Variants in SYT2 observed in about 807,000 individuals in gnomAD.
SYT2 encodes the protein synaptotagmin 2.
A neutral mutation model predicts 39.9 loss-of-function variants in SYT2; 15 were observed. That is an observed-to-expected ratio of 0.38 (90% CI 0.25 to 0.58). SYT2 has a LOEUF of 0.58. Ranked by LOEUF, SYT2 falls within the 20% of genes least tolerant of loss-of-function variation. The pLI, the probability that SYT2 is intolerant of heterozygous loss-of-function variation, is 0.70. For missense variants in SYT2, 389 were observed against 530.3 expected (o/e 0.73, Z 2.62); for synonymous variants, 181 against 204.5 (o/e 0.89, Z 0.98).
intron 1 of SYT2, among the ~76,000 whole-genome samples, chr1:202,664,172 G>A (rs910903910): frequency 1.3e-5 from 2 of 152,116 alleles, no homozygotes; most frequent in East Asian, 1.9e-4. Context: ...ACCTTTCCAT[G>A]TACAGGGAAG....
At chr1:202,707,387 C>A (rs551119690) in intron 1 of SYT2, among the ~76,000 whole-genome samples, 1 of 152,154 alleles carries the variant, frequency 6.6e-6, no homozygotes, top group African/African-American at 2.4e-5. Flanking sequence ...TGACCCTGCC[C>A]CCCCATTACT....
intron 1 of SYT2, among the ~76,000 whole-genome samples, chr1:202,679,088 G>A (rs1014234090): frequency 2.0e-5 from 3 of 152,098 alleles, no homozygotes; most frequent in Non-Finnish European, 4.4e-5. Context: ...GCTCTGGGGC[G>A]ACGCCCATCT....
chr1:202,698,010 G>T (rs1317482723), intron 1 of SYT2, among the ~76,000 whole-genome samples: 1 of 152,028 alleles, frequency 6.6e-6, no homozygotes, highest in African/African-American at 2.4e-5. Context: ...GGAGCCAGAG[G>T]GAAAGAAAAC....
rs377483899 is a variant in SYT2 at position 202,599,393 on chromosome 1, C to T, written c.920-42G>A. 2.2e-5 allele frequency: 34 copies of T among 1,553,620 alleles called. No individual in the cohort carries two copies. The African/African-American group carries it at 4.4e-4, about 20-fold the overall frequency. On this transcript the variant is annotated intron_variant, in intron 7 of 8. Transcript: ENST00000367268. This position sits in a 1 kb window ranked among gnomAD's most constrained non-coding sequence, Gnocchi z 4.4. ...CCAACCCCAGAGAGGTTCCCCTTAGCCCCCAGCCTTCCTGCCGAATGTACC... is the reference window on the plus strand; with the variant it reads ...CCAACCCCAGAGAGGTTCCCCTTAGTCCCCAGCCTTCCTGCCGAATGTACC...
intron 1 of SYT2, among the ~76,000 whole-genome samples, chr1:202,607,380 T>C (rs531558437): frequency 2.6e-5 from 4 of 152,322 alleles, no homozygotes; most frequent in African/African-American, 9.6e-5. Flanking sequence ...ATTTACAGTA[T>C]TTTTAAATTA....
In SYT2 at chr1:202,601,812, G is replaced by C; in HGVS notation, c.801+78C>G. The C allele has an allele frequency of 6.7e-7, 1 of 1,495,790 alleles. No individual in the cohort carries two copies. The highest frequency in any genetic ancestry group is 9.1e-7 in the Non-Finnish European group (1 of 1,096,148). The allele number at this position is 1,495,790 out of a possible 1,614,324, so 92.7% of individuals were successfully genotyped here. On this transcript the variant is annotated intron_variant, in intron 6 of 8. Coordinates refer to ENST00000367268, the MANE Select transcript of SYT2 (RefSeq NM_177402.5). The surrounding 1 kb of genome is among the most constrained non-coding windows in gnomAD (Gnocchi z 4.0). ...GTCGTCTGCCTCCAAAGCCCACCCT[G>C]TTTCCATCATGCCAAGAGGTGGAAG...
intron 1 of SYT2, among the ~76,000 whole-genome samples, chr1:202,671,918 G>T (rs1692595891): frequency 6.6e-6 from 1 of 152,154 alleles, no homozygotes; most frequent in South Asian, 2.1e-4. Flanking sequence ...CTCCAGGGAA[G>T]ATAGCAAATG....
chr1:202,664,665 A>G (rs1692450224), intron 1 of SYT2, among the ~76,000 whole-genome samples: 1 of 152,126 alleles, frequency 6.6e-6, no homozygotes, highest in South Asian at 2.1e-4. Context: ...TTTACTCAGC[A>G]TAATTATTCT....
rs939623188 is a variant in SYT2 at position 202,592,801 on chromosome 1, G to A, written c.*3956C>T. 6.6e-6 allele frequency: 1 copy of A among 152,222 alleles called. No individual in the cohort carries two copies. The highest frequency in any genetic ancestry group is 1.5e-5 in the Non-Finnish European group (1 of 68,036). 9.4% of individuals were successfully genotyped at this position (152,222 alleles called of 1,614,324 possible). A position where few individuals can be genotyped will look rare whatever the true frequency, so the allele number is the denominator to read the frequency against. On this transcript the variant is annotated 3_prime_UTR_variant, in exon 9 of 9. Transcript: ENST00000367268. ...TGGGACCAAAGGGAGAGGGGGAAAA[G>A]TCATAGGGTAGGGTTCCCAGACACA...
rs188826170 is a variant in SYT2, at chr1:202,632,230, G to A, written c.-17-26441C>T. On this transcript the variant is annotated intron_variant, in intron 1 of 8. Transcript: ENST00000367268. ...CTGGGCCCAGAAGGGAAATAGCCCA[G>A]TTCTGGCCTCCTGACTGGGGTGGGG... 2.0e-5 allele frequency: 7 copies of A among 355,706 alleles called. No individual in the cohort carries two copies. In the East Asian group the frequency reaches 5.0e-4, roughly 26 times the overall value. The allele number at this position is 355,706 out of a possible 1,614,324, so 22.0% of individuals were successfully genotyped here. A position where few individuals can be genotyped will look rare whatever the true frequency, so the allele number is the denominator to read the frequency against.
At chr1:202,704,432 C>T (rs542567002) in intron 1 of SYT2, among the ~76,000 whole-genome samples, 21 of 152,160 alleles carry the variant, frequency 1.4e-4, no homozygotes, top group East Asian at 3.9e-4. Context: ...GAGGAAAAGG[C>T]GGGAGGAAAG....
chr1:202,707,517 C>T (rs1478910589), intron 1 of SYT2, among the ~76,000 whole-genome samples: 4 of 152,176 alleles, frequency 2.6e-5, no homozygotes, highest in Non-Finnish European at 4.4e-5. Flanking sequence ...CAGAGCAAAT[C>T]CCAAAGCCAA....
At chr1:202,647,024 G>A (rs906573527) in intron 1 of SYT2, among the ~76,000 whole-genome samples, 3 of 152,208 alleles carry the variant, frequency 2.0e-5, no homozygotes, top group Non-Finnish European at 4.4e-5. Context: ...GGCCTCGAGC[G>A]TCAGCACAAA....
chr1:202,699,394 T>C (rs1654056793), intron 1 of SYT2, among the ~76,000 whole-genome samples: 1 of 152,122 alleles, frequency 6.6e-6, no homozygotes, highest in Non-Finnish European at 1.5e-5. Flanking sequence ...CGGCAGGGCA[T>C]TTGTCCATGG....
chr1:202,639,380 C>T (rs1250000143), intron 1 of SYT2: 5 of 324,454 alleles, frequency 1.5e-5, no homozygotes, highest in Middle Eastern at 1.5e-3. Context: ...AAGGAAAGAG[C>T]GTTGGATTGA....
intron 1 of SYT2, among the ~76,000 whole-genome samples, chr1:202,678,372 C>T (rs191154584): frequency 1.1e-3 from 170 of 149,280 alleles, no homozygotes; most frequent in Non-Finnish European, 2.1e-3. Flanking sequence ...TTAAATATGG[C>T]ACTGCAAAGA....
At chr1:202,696,334 A>G (rs866221166) in intron 1 of SYT2, among the ~76,000 whole-genome samples, 23 of 152,198 alleles carry the variant, frequency 1.5e-4, no homozygotes, top group African/African-American at 5.1e-4. Flanking sequence ...CCATGAAAAG[A>G]CCCAGGATGC....
chr1:202,629,106 TCTG>T (rs1023981036), intron 1 of SYT2, among the ~76,000 whole-genome samples: 3 of 152,250 alleles, frequency 2.0e-5, no homozygotes, highest in Non-Finnish European at 4.4e-5. Context: ...GGGCAGCCTC[TCTG>T]CTAACTCCCT....
chr1:202,613,700 G>T (rs953293055), intron 1 of SYT2, among the ~76,000 whole-genome samples: 2 of 152,090 alleles, frequency 1.3e-5, no homozygotes, highest in Admixed American at 6.5e-5. Context: ...CGCTGGATTG[G>T]CAGTCCTCCT....
Sources: gnomAD v4.1 joint callset for allele counts (sites outside exome capture counted in the v4.1 genomes callset) on GRCh38, gnomAD v4.1.1 for gene constraint, Gnocchi (gnomAD v3.1) non-coding constraint, MANE v1.5 for transcripts, NCBI Gene and HGNC (gene_info 2026-07-23, HGNC 2026-07-21) for gene names.